The following PPP6R2 variants were observed in gnomAD, a reference collection of about 807,000 sequenced individuals.
PPP6R2 encodes serine/threonine-protein phosphatase 6 regulatory subunit 2.
A neutral mutation model predicts 100.2 loss-of-function variants in PPP6R2; 62 were observed. That is an observed-to-expected ratio of 0.62 (90% CI 0.50 to 0.76). The LOEUF (loss-of-function observed/expected upper bound fraction) is 0.76. Among genes scored for constraint, PPP6R2 ranks in the 30% least tolerant of loss-of-function variants. The probability of loss-of-function intolerance (pLI) is 0.00; values close to 1 mark genes in which losing one functional copy is unlikely to be tolerated. For missense variants in PPP6R2, 1,142 were observed against 1,276.3 expected (o/e 0.89, Z 1.60); for synonymous variants, 525 against 514.7 (o/e 1.02, Z -0.27).
intron 2 of PPP6R2, chr22:50,389,123 G>GA (rs1167414333): frequency 1.3e-5 from 2 of 152,214 alleles, no homozygotes; most frequent in African/African-American, 4.8e-5. Flanking sequence ...TAAGAATCTA[G>GA]AAGATGTTGG....
chr22:50,385,618 C>T (rs571404616), intron 2 of PPP6R2, among the ~76,000 whole-genome samples: 12 of 150,608 alleles, frequency 8.0e-5, no homozygotes, highest in African/African-American at 2.4e-4. Context: ...CGGGTTCAAG[C>T]GATTCTCCTG....
chr22:50,406,870 G>A lies in PPP6R2; in HGVS notation c.409G>A (p.Glu137Lys), dbSNP rs748415912. 43 of 1,613,432 alleles carry A rather than the reference G, an allele frequency of 2.7e-5. No homozygotes were observed. In the South Asian group the frequency reaches 3.2e-4, roughly 12 times the overall value. ...TIGNLIARKT[E>K]QVITFLKKKD... is the part of the protein sequence containing the mutation. The stretch of plus-strand genomic sequence containing the variant: ...TGGCAATCTCATTGCAAGAAAAACC[G>A]AACAGGTAAATCACGTGCAAAGCCT... Residue 137 changes from glutamate (E) to lysine (K), a missense_variant, in exon 4 of 24, where the codon GAA becomes AAA. By Grantham distance (56) the Glu-to-Lys change is moderately conservative. Coordinates refer to ENST00000612753, the MANE Select transcript of PPP6R2 (RefSeq NM_001242898.2).
At chr22:50,405,421 T>C (rs188045949) in intron 3 of PPP6R2, among the ~76,000 whole-genome samples, 1,211 of 115,068 alleles carry the variant, frequency 0.011, no homozygotes, top group Non-Finnish European at 0.016. Flanking sequence ...TGGAGAGAGG[T>C]GAGAGGCCTG....
intron 1 of PPP6R2, among the ~76,000 whole-genome samples, chr22:50,356,595 G>A (rs2046639561): frequency 6.6e-6 from 1 of 152,064 alleles, no homozygotes; most frequent in Non-Finnish European, 1.5e-5. Context: ...AGGAGTAGAA[G>A]TGCTGGGTTA....
At chr22:50,335,514 T>C in the PPP6R2 span, among the ~76,000 whole-genome samples, 2 of 150,194 alleles carry the variant, frequency 1.3e-5, no homozygotes, top group South Asian at 4.2e-4. Context: ...TGTTTTGTTT[T>C]GTTTTGTTTT....
chr22:50,438,406 C>T, intron 18 of PPP6R2, 108 bp downstream of exon 18: 1 of 1,517,682 alleles, frequency 6.6e-7, no homozygotes, highest in Non-Finnish European at 8.9e-7. Context: ...GCAGCCACAC[C>T]TGTCCTGCCA....
At chr22:50,438,377 T>G in intron 18 of PPP6R2, 79 bp downstream of exon 18, 1 of 1,551,782 alleles carries the variant, frequency 6.4e-7, no homozygotes, top group Non-Finnish European at 8.7e-7. Context: ...GCCCTGTGGT[T>G]CGTTAGCTGG....
rs149682499 is a variant in PPP6R2, at chr22:50,440,897, C to T, written c.2450C>T (p.Ser817Phe). Reference protein sequence around the residue: ...KAPLLASDSSSSGGSHSEDGD... With the variant: ...KAPLLASDSSFSGGSHSEDGD... ...CCCCTGCTGGCCTCTGACAGTAGCT[C>T]CTCTGGGGGCTCCCACAGCGAGGAT... The change falls in exon 22 of 24, where the codon TCC (serine) becomes TTC (phenylalanine). Residue 817 changes from serine to phenylalanine, a missense_variant. Coordinates refer to ENST00000612753, the MANE Select transcript of PPP6R2 (RefSeq NM_001242898.2). 1.2e-5 allele frequency: 20 copies of T among 1,613,832 alleles called. No homozygotes were observed. The highest frequency in any genetic ancestry group is 8.9e-5 in the East Asian group (4 of 44,886).
chr22:50,424,478 CGCGTGTGGAACGTCTGTCA>C (rs1390326118), intron 10 of PPP6R2, among the ~76,000 whole-genome samples: 9 of 145,218 alleles, frequency 6.2e-5, no homozygotes, highest in African/African-American at 2.1e-4. Context: ...AAGGTCCGTC[CGCGTGTGGAACGTCTGTCA>C]GCGTGTGGAA....
chr22:50,424,636 T>A (rs1265722358), intron 10 of PPP6R2, among the ~76,000 whole-genome samples: 2 of 118,594 alleles, frequency 1.7e-5, no homozygotes, highest in Non-Finnish European at 3.3e-5. Flanking sequence ...TCTTCTTCTT[T>A]TTTTTTTTTT....
intron 1 of PPP6R2, among the ~76,000 whole-genome samples, chr22:50,355,227 T>A (rs1017475752): frequency 6.9e-6 from 1 of 144,560 alleles, no homozygotes; most frequent in Non-Finnish European, 1.5e-5. Context: ...GCAAGCAGCC[T>A]TCTTTTTTTT....
At chr22:50,338,058 G>T in the PPP6R2 span, among the ~76,000 whole-genome samples, 1 of 143,694 alleles carries the variant, frequency 7.0e-6, no homozygotes, top group African/African-American at 2.7e-5. Flanking sequence ...GGTGTGATGT[G>T]TGTGGTGTGT....
Position 50,406,744 on chromosome 22 carries a change from C to A in PPP6R2, c.283C>A (p.Arg95Ser). The change falls in exon 4 of 24, where the codon CGC (arginine) becomes AGC (serine). Residue 95 changes from arginine (R) to serine (S), a missense_variant. Physicochemically the swap from Arg to Ser is moderately radical, Grantham distance 110. This residue lies in a region of PPP6R2 where 592 missense variants were observed against 758.9 expected (regional missense o/e 0.78). Transcript: ENST00000612753. Reference sequence around the variant, plus strand: ...TTGTGATGTGCCGCAGATCAGCGACCGCCTCGGTGGGGACGAGAGCCTGCT... The same window carrying A: ...TTGTGATGTGCCGCAGATCAGCGACAGCCTCGGTGGGGACGAGAGCCTGCT... The part of the protein sequence containing the change: ...LTCDVPQISD[R>S]LGGDESLLSL... The A allele has an allele frequency of 6.2e-7, 1 of 1,614,036 alleles. No homozygotes were observed.
chr22:50,411,046 C>T (rs2059680111), intron 4 of PPP6R2, among the ~76,000 whole-genome samples: 1 of 152,180 alleles, frequency 6.6e-6, no homozygotes, highest in South Asian at 2.1e-4. Context: ...CGGCCTTGGC[C>T]TCCCAAAATG....
chr22:50,439,658 C>T (rs1202778099), intron 19 of PPP6R2, 43 bp from the exon 20 acceptor site: 2 of 1,498,040 alleles, frequency 1.3e-6, no homozygotes, highest in Admixed American at 2.2e-5. Context: ...CTGCAGCACC[C>T]CAGGCCTGCC....
At chr22:50,370,538 T>G (rs543917240) in intron 1 of PPP6R2, among the ~76,000 whole-genome samples, 8 of 151,004 alleles carry the variant, frequency 5.3e-5, no homozygotes, top group African/African-American at 1.9e-4. Context: ...CCACCCGCCT[T>G]GGCCTCCCAA....
At position 50,419,400 on chromosome 22, in the gene PPP6R2, G is replaced by A. The variant is rs1400252930; in HGVS notation, c.783G>A (p.Thr261=). ...LLKNMFDGDR[T]ESCLVSGTQV... ...AGAACATGTTTGATGGAGACCGGAC[G>A]GAGAGCTGCCTCGTCAGTGGGACTC... is the stretch of plus-strand genomic sequence containing the variant. Residue 261 remains threonine, a synonymous_variant, in exon 8 of 24, where the codon ACG becomes ACA. Transcript: ENST00000612753. 9.3e-6 allele frequency: 15 copies of A among 1,614,070 alleles called. No individual in the cohort carries two copies. Among genetic ancestry groups the A allele is most frequent in the South Asian group, 2.2e-5 (2 of 91,084 alleles).
At chr22:50,402,878 G>C (rs1317894628) in intron 3 of PPP6R2, among the ~76,000 whole-genome samples, 1 of 152,192 alleles carries the variant, frequency 6.6e-6, no homozygotes, top group Non-Finnish European at 1.5e-5. Flanking sequence ...CTTCTAGCTT[G>C]GTTTGTGCCA....
chr22:50,355,244 T>G (rs983549953), intron 1 of PPP6R2, among the ~76,000 whole-genome samples: 16 of 150,686 alleles, frequency 1.1e-4, no homozygotes, highest in Admixed American at 9.9e-4. Flanking sequence ...TTTTTTTTTT[T>G]TTTTCTTTTT....
Sources: gnomAD v4.1 joint callset for allele counts (sites outside exome capture counted in the v4.1 genomes callset) on GRCh38, gnomAD v4.1.1 for gene constraint, gnomAD v4.1.1 regional missense constraint, MANE v1.5 for transcripts, NCBI Gene and HGNC (gene_info 2026-07-23, HGNC 2026-07-21) for gene names.